Variants in NAALADL2 observed in about 807,000 individuals in gnomAD.
NAALADL2 encodes the protein N-acetylated alpha-linked acidic dipeptidase like 2, also known as inactive N-acetylated-alpha-linked acidic dipeptidase-like protein 2.
Under a neutral mutation model 87.2 loss-of-function variants are expected in NAALADL2, and 76 were observed. The observed-to-expected ratio is 0.87, with a 90% CI of 0.72 to 1.05. The LOEUF is 1.05. Among genes scored for constraint, NAALADL2 ranks in the 50% least tolerant of loss-of-function variants. The pLI is 0.00. For synonymous variants in NAALADL2, 354 were observed against 331.0 expected (o/e 1.07, Z -0.75); for missense variants, 1,089 against 945.8 (o/e 1.15, Z -1.99).
At chr3:175,131,744 C>G (rs544425715) in intron 2 of NAALADL2, among the ~76,000 whole-genome samples, 45 of 151,150 alleles carry the variant, frequency 3.0e-4, no homozygotes, top group Non-Finnish European at 4.4e-4. Context: ...CCTCACCCCC[C>G]GGACAGGGCG....
chr3:175,186,930 C>T (rs190436610), intron 2 of NAALADL2, among the ~76,000 whole-genome samples: 18 of 152,216 alleles, frequency 1.2e-4, no homozygotes, highest in Admixed American at 8.5e-4. Context: ...TTTTCCTCAT[C>T]TTGTGAGAGC....
At chr3:174,704,383 T>G (rs866004084) in intron 2 of NAALADL2, among the ~76,000 whole-genome samples, 1 of 152,174 alleles carries the variant, frequency 6.6e-6, no homozygotes, top group East Asian at 1.9e-4. Flanking sequence ...AAATGTTCAC[T>G]CGAAGAAAGA....
intron 9 of NAALADL2, among the ~76,000 whole-genome samples, chr3:175,521,919 G>A (rs1732712583): frequency 6.6e-6 from 1 of 152,134 alleles, no homozygotes; most frequent in Non-Finnish European, 1.5e-5. Flanking sequence ...AATTCTTGAT[G>A]ATAGATTTTT....
intron 5 of NAALADL2, among the ~76,000 whole-genome samples, chr3:175,420,647 C>T (rs1715541889): frequency 6.6e-6 from 1 of 151,994 alleles, no homozygotes; most frequent in Admixed American, 6.6e-5. Context: ...TAACTCCATA[C>T]CAATCCAAGT....
At chr3:175,590,452 G>GTATTATA (rs1721268551) in intron 10 of NAALADL2, among the ~76,000 whole-genome samples, 1 of 151,400 alleles carries the variant, frequency 6.6e-6, no homozygotes, top group Non-Finnish European at 1.5e-5. Flanking sequence ...GAAATAATAT[G>GTATTATA]GTATAGAGGT....
At chr3:175,174,932 T>C (rs183213700) in intron 2 of NAALADL2, among the ~76,000 whole-genome samples, 3 of 152,202 alleles carry the variant, frequency 2.0e-5, no homozygotes, top group Admixed American at 6.5e-5. Context: ...ATTAATCTTC[T>C]TGTACACTAT....
intron 11 of NAALADL2, among the ~76,000 whole-genome samples, chr3:175,727,286 AG>A (rs1437286348): frequency 6.6e-6 from 1 of 152,166 alleles, no homozygotes; most frequent in Non-Finnish European, 1.5e-5. Flanking sequence ...CTGAGAGAAA[AG>A]AACTCTTTCC....
intron 1 of NAALADL2, chr3:174,550,552 C>G (rs1711997014): frequency 6.6e-6 from 1 of 151,436 alleles, no homozygotes; most frequent in Non-Finnish European, 1.5e-5. Context: ...AATTTTTTTT[C>G]CTTTTTTGTT....
In NAALADL2 at chr3:175,013,295, A is replaced by ATT. The variant is rs1220823542; in HGVS notation, c.44-83494_44-83493insTT. ...TATATATACATATATATATATATATATATATATTTTTTTTTTTTTTTGAGA... is the reference window on the plus strand; with the variant it reads ...TATATATACATATATATATATATATATTTATATATTTTTTTTTTTTTTTGAGA... On this transcript the variant is annotated intron_variant, in intron 1 of 13. Coordinates refer to ENST00000454872, the MANE Select transcript of NAALADL2 (RefSeq NM_207015.3). 4.7e-3 allele frequency among the ~76,000 whole-genome samples: 362 copies of ATT among 77,392 alleles called. 21 individuals carry two copies. The highest frequency in any genetic ancestry group is 0.025 in the African/African-American group (283 of 11,438). The allele number at this position is 77,392 out of a possible 152,430, so 50.8% of individuals were successfully genotyped here.
chr3:175,705,165 G>A (rs1367749869), intron 11 of NAALADL2, among the ~76,000 whole-genome samples: 1 of 152,058 alleles, frequency 6.6e-6, no homozygotes, highest in Admixed American at 6.6e-5. Flanking sequence ...ATGGAATAAG[G>A]AGAGGACCTC....
chr3:174,938,790 T>A (rs1401477635), intron 1 of NAALADL2, among the ~76,000 whole-genome samples: 1 of 152,096 alleles, frequency 6.6e-6, no homozygotes, highest in African/African-American at 2.4e-5. Context: ...GGCTTTTTTT[T>A]ACATGCTTGT....
intron 13 of NAALADL2, among the ~76,000 whole-genome samples, chr3:175,795,658 G>C (rs1753376315): frequency 6.6e-6 from 1 of 151,598 alleles, no homozygotes; most frequent in South Asian, 2.1e-4. Context: ...ACTCCAGCCT[G>C]GGCAACATAG....
At chr3:174,924,228 C>G (rs1311846978) in intron 1 of NAALADL2, among the ~76,000 whole-genome samples, 1 of 105,094 alleles carries the variant, frequency 9.5e-6, no homozygotes, top group Non-Finnish European at 1.8e-5. Context: ...CACCCCACAA[C>G]AGGCCCCGGT....
chr3:175,787,600 C>T (rs1022193351), intron 13 of NAALADL2, among the ~76,000 whole-genome samples: 5 of 151,784 alleles, frequency 3.3e-5, no homozygotes, highest in Admixed American at 2.0e-4. Flanking sequence ...CACTGACCTG[C>T]GCCCACTGTC....
intron 6 of NAALADL2, among the ~76,000 whole-genome samples, chr3:175,455,527 G>T (rs1722200955): frequency 6.6e-6 from 1 of 151,966 alleles, no homozygotes; most frequent in Non-Finnish European, 1.5e-5. Flanking sequence ...TGTCTTCCTA[G>T]TTACATAATT....
At position 175,297,093 on chromosome 3, in the gene NAALADL2, G is replaced by A. The variant is rs541704542; in HGVS notation, c.940-27082G>A. Reference sequence around the variant, plus strand: ...TTTATTGGAATATACTTACTGGCCTGTAGGTACTATCTATGGCTCCTTTTG... The same window carrying A: ...TTTATTGGAATATACTTACTGGCCTATAGGTACTATCTATGGCTCCTTTTG... On this transcript the variant is annotated intron_variant, in intron 4 of 13. Transcript: ENST00000454872. 9.1e-4 allele frequency among the ~76,000 whole-genome samples: 138 copies of A among 152,260 alleles called. 4 individuals are homozygous for A. In the South Asian group the frequency reaches 0.027, roughly 30 times the overall value.
intron 11 of NAALADL2, among the ~76,000 whole-genome samples, chr3:175,653,482 C>T (rs891111471): frequency 2.0e-5 from 3 of 152,162 alleles, no homozygotes; most frequent in African/African-American, 7.2e-5. Flanking sequence ...TGATTTCCAT[C>T]AAGTCTTCTG....
At chr3:174,842,684 C>T (rs955778709) in intron 3 of NAALADL2, among the ~76,000 whole-genome samples, 2 of 152,156 alleles carry the variant, frequency 1.3e-5, no homozygotes, top group African/African-American at 4.8e-5. Flanking sequence ...ACTAGTTTCA[C>T]TTCTACTTGA....
At position 175,234,920 on chromosome 3, in the gene NAALADL2, T is replaced by C. The variant is rs200073192; in HGVS notation, c.819+716T>C. ...TGTGAGAAAAAATTACAAATATATG[T>C]AAATCTAGGAGGACAGAGCATAGCC... On this transcript the variant is annotated intron_variant, in intron 3 of 13. Transcript: ENST00000454872. 5 of 152,260 alleles carry C rather than the reference T, an allele frequency of 3.3e-5. No homozygotes were observed. In the East Asian group the frequency reaches 9.7e-4, roughly 29 times the overall value. The allele number at this position is 152,260 out of a possible 1,614,324, so 9.4% of individuals were successfully genotyped here.
Sources: allele counts gnomAD v4.1 joint callset (sites outside exome capture counted in the v4.1 genomes callset), GRCh38; gene constraint gnomAD v4.1.1; transcripts MANE v1.5; gene names NCBI Gene and HGNC (gene_info 2026-07-23, HGNC 2026-07-21).